KIF24: variants seen among roughly 807,000 people sequenced by gnomAD.
KIF24 encodes the protein kinesin-like protein KIF24.
A neutral mutation model predicts 118.9 loss-of-function variants in KIF24; 81 were observed. The ratio of observed to expected loss-of-function variants is 0.68; its 90% CI spans 0.57 to 0.82. The LOEUF is 0.82. Ranked by LOEUF, KIF24 falls within the 40% of genes least tolerant of loss-of-function variation. KIF24 has a pLI of 0.00. For missense variants in KIF24, 1,560 were observed against 1,661.6 expected, an observed-to-expected ratio of 0.94 and a Z score of 1.06; for synonymous variants, 599 against 610.0, an observed-to-expected ratio of 0.98 and a Z score of 0.27.
chr9:34,281,828 T>C (rs962292917), intron 6 of KIF24, among the ~76,000 whole-genome samples: 2 of 152,196 alleles, frequency 1.3e-5, no homozygotes. Flanking sequence ...CCTATCCTTC[T>C]AGTCCTCTCC....
intron 9 of KIF24, among the ~76,000 whole-genome samples, chr9:34,262,675 AAT>A (rs1428160924): frequency 1.6e-3 from 43 of 27,060 alleles, no homozygotes; most frequent in African/African-American, 6.5e-3. Flanking sequence ...AAAAAAAAAA[AAT>A]ATATATATAT....
rs569116406 is a variant in KIF24 at position 34,295,194 on chromosome 9, T to C, written c.911+1823A>G. Among the ~76,000 whole-genome samples the C allele has an allele frequency of 1.3e-4, 20 of 149,688 alleles. No homozygotes were observed. The East Asian group carries it at 2.6e-3, about 20-fold the overall frequency. On this transcript the variant is annotated intron_variant, in intron 4 of 12. Coordinates refer to ENST00000402558, the MANE Select transcript of KIF24 (RefSeq NM_194313.4). Reference sequence around the variant, plus strand: ...TAGGTAGGTGGATTGGATGGATGGATAGACAGACAGACAGACAGACAGACA... The same window carrying C: ...TAGGTAGGTGGATTGGATGGATGGACAGACAGACAGACAGACAGACAGACA...
intron 3 of KIF24, among the ~76,000 whole-genome samples, chr9:34,304,511 T>C (rs1398837881): frequency 2.6e-5 from 4 of 152,150 alleles, no homozygotes; most frequent in Non-Finnish European, 5.9e-5. Context: ...AAGTCTTAGG[T>C]AGACAGTGAT....
chr9:34,320,297 T>C (rs1392347797), intron 1 of KIF24, among the ~76,000 whole-genome samples: 1 of 150,146 alleles, frequency 6.7e-6, no homozygotes, highest in Non-Finnish European at 1.5e-5. Context: ...CAAGAACTTA[T>C]TTATACAGTT....
rs1837413918 is a variant in KIF24, at chr9:34,318,724, G to A, written c.-25-7353C>T. On this transcript the variant is annotated intron_variant, in intron 1 of 12. Transcript: ENST00000402558. This position sits in a 1 kb window ranked among gnomAD's most constrained non-coding sequence, Gnocchi z 4.9. ...CCAAGCAGCTGAGCGACGAGGAGGT[G>A]CACGCCGGCGTGGGCGAGCCGCTGC... 3 of 1,505,944 alleles carry A rather than the reference G, an allele frequency of 2.0e-6. No homozygotes were observed. The highest frequency in any genetic ancestry group is 2.7e-6 in the Non-Finnish European group (3 of 1,104,112). The allele number at this position is 1,505,944 out of a possible 1,614,324, so 93.3% of individuals were successfully genotyped here.
chr9:34,285,426 G>A (rs998210425), intron 6 of KIF24, among the ~76,000 whole-genome samples: 2 of 151,802 alleles, frequency 1.3e-5, no homozygotes, highest in Non-Finnish European at 2.9e-5. Flanking sequence ...TCAGGAGTTC[G>A]AGACCACCCT....
At chr9:34,266,502 C>T (rs1835294130) in intron 8 of KIF24, among the ~76,000 whole-genome samples, 1 of 151,772 alleles carries the variant, frequency 6.6e-6, no homozygotes, top group African/African-American at 2.4e-5. Flanking sequence ...CATGGTGAAA[C>T]CGGGTCTCTA....
At chr9:34,319,835 G>T (rs1410820096) in intron 1 of KIF24, among the ~76,000 whole-genome samples, 1 of 152,122 alleles carries the variant, frequency 6.6e-6, no homozygotes, top group Non-Finnish European at 1.5e-5. Context: ...TACTCCACTT[G>T]GACGTGGGCC....
intron 2 of KIF24, among the ~76,000 whole-genome samples, chr9:34,309,653 A>T (rs1264128905): frequency 6.6e-6 from 1 of 152,176 alleles, no homozygotes. Flanking sequence ...CTCAGAATTA[A>T]AAGAAGAAAA....
At chr9:34,323,392 A>T (rs1837580831) in intron 1 of KIF24, among the ~76,000 whole-genome samples, 1 of 152,266 alleles carries the variant, frequency 6.6e-6, no homozygotes, top group South Asian at 2.1e-4. Context: ...TCACCTAAAA[A>T]TAAACATAAC....
chr9:34,263,426 C>T lies in KIF24; in HGVS notation c.1444-254G>A, dbSNP rs530466491. Among the ~76,000 whole-genome samples, 24 of 152,288 alleles carry T rather than the reference C, an allele frequency of 1.6e-4. 1 individual carries two copies. The highest frequency in any genetic ancestry group is 4.3e-4 in the African/African-American group (18 of 41,562). ...GATCCTAGGACTGCCCCTGAGTTGACGGCGGGGAACAGACAGACGCTGGGA... is the reference window on the plus strand; with the variant it reads ...GATCCTAGGACTGCCCCTGAGTTGATGGCGGGGAACAGACAGACGCTGGGA... On this transcript the variant is annotated intron_variant, in intron 8 of 12. Transcript: ENST00000402558.
intron 6 of KIF24, among the ~76,000 whole-genome samples, chr9:34,276,402 C>CAAAA (rs11419785): frequency 2.5e-5 from 2 of 80,698 alleles, no homozygotes; most frequent in African/African-American, 4.5e-5. Flanking sequence ...AACTGCATCT[C>CAAAA]AAAAAAAAAA....
Position 34,254,215 on chromosome 9 carries a change from C to G in KIF24, c.*165G>C. 1.6e-6 allele frequency: 1 copy of G among 636,362 alleles called. No homozygotes were observed. The highest frequency in any genetic ancestry group is 2.5e-6 in the Non-Finnish European group (1 of 397,506). 39.4% of individuals were successfully genotyped at this position (636,362 alleles called of 1,614,324 possible). On this transcript the variant is annotated 3_prime_UTR_variant, in exon 13 of 13. Transcript: ENST00000402558. ...CAGGGGCCTGTCCCTGAGGGAGAAG[C>G]TGGGACCTATCTGAAGCCACGTGGG...
chr9:34,263,395 G>A (rs1835167329), intron 8 of KIF24, among the ~76,000 whole-genome samples: 1 of 152,142 alleles, frequency 6.6e-6, no homozygotes, highest in Non-Finnish European at 1.5e-5. Context: ...CCAGCTTAGA[G>A]GCTGGGATCC....
chr9:34,272,927 A>C (rs1835558086), intron 6 of KIF24, among the ~76,000 whole-genome samples: 1 of 152,040 alleles, frequency 6.6e-6, no homozygotes, highest in Non-Finnish European at 1.5e-5. Context: ...CCCAGCCACA[A>C]AGAACTTTAA....
Position 34,257,683 on chromosome 9 carries a change from C to A in KIF24, c.1924G>T (p.Val642Phe). The A allele has an allele frequency of 6.2e-7, 1 of 1,614,038 alleles. No individual in the cohort carries two copies. The stretch of plus-strand genomic sequence containing the variant: ...CCTTTCACAGGGCTAGCATGAATGA[C>A]CCACTCTTGTGAAGGACTCCCTCTG... ...GSRGSPSQEWVIHASPVKGTV... is the reference protein window; with the variant it reads ...GSRGSPSQEWFIHASPVKGTV... Residue 642 changes from valine (V) to phenylalanine (F), a missense_variant, in exon 11 of 13, where the codon GTC (valine) becomes TTC (phenylalanine). Val to Phe is a conservative substitution (Grantham distance 50). Around this residue, in one of 3 missense-constraint regions of KIF24, gnomAD observed 964 missense variants for 988.0 expected, o/e 0.98. Coordinates refer to ENST00000402558, the MANE Select transcript of KIF24 (RefSeq NM_194313.4).
At position 34,255,988 on chromosome 9, in the gene KIF24, T is replaced by G; in HGVS notation, c.3619A>C (p.Thr1207Pro). 6.2e-7 allele frequency: 1 copy of G among 1,613,836 alleles called. No homozygotes were observed. Among genetic ancestry groups the G allele is most frequent in the South Asian group, 1.1e-5 (1 of 91,072 alleles). The change falls in exon 11 of 13, where the codon ACC becomes CCC. Residue 1207 changes from threonine to proline, a missense_variant. Physicochemically the swap from Thr to Pro is conservative, Grantham distance 38. Around this residue, in one of 3 missense-constraint regions of KIF24, gnomAD observed 591 missense variants for 655.6 expected, o/e 0.90. Transcript: ENST00000402558. ...MGVPHSGPTL[T>P]PRTGSSDVAD... is the part of the protein sequence containing the mutation. ...ACATCACTACTTCCTGTTCGTGGGG[T>G]GAGTGTAGGTCCAGAATGGGGTACC...
Position 34,329,093 on chromosome 9 carries a change from C to T in KIF24, c.-26+13G>A, listed in dbSNP as rs755853750. Among the ~76,000 whole-genome samples, 6 of 152,238 alleles carry T rather than the reference C, an allele frequency of 3.9e-5. No homozygotes were observed. Among genetic ancestry groups the T allele is most frequent in the South Asian group, 2.1e-4 (1 of 4,836 alleles). The stretch of plus-strand genomic sequence containing the variant: ...AGACCTACCCCTCCTCTATTCTCCC[C>T]GCCCTTTCTCACCTCGGTCCAAACT... On this transcript the variant is annotated intron_variant, in intron 1 of 12. Coordinates refer to ENST00000402558, the MANE Select transcript of KIF24 (RefSeq NM_194313.4).
At position 34,319,178 on chromosome 9, in the gene KIF24, C is replaced by G. The variant is rs1367252835; in HGVS notation, c.-25-7807G>C. The G allele has an allele frequency of 3.1e-5, 50 of 1,603,420 alleles. No homozygotes were observed. The East Asian group carries it at 6.7e-4, about 21-fold the overall frequency. On this transcript the variant is annotated intron_variant, in intron 1 of 12. Transcript: ENST00000402558. ...GGAAAAGCTGCAAATCGTGGAGATG[C>G]CCCTGGCCCACAAGCTCTCCAGCCT...
Sources: allele counts gnomAD v4.1 joint callset (sites outside exome capture counted in the v4.1 genomes callset), GRCh38; gene constraint gnomAD v4.1.1; regional missense constraint gnomAD v4.1.1; non-coding constraint Gnocchi (gnomAD v3.1); transcripts MANE v1.5; gene names NCBI Gene and HGNC (gene_info 2026-07-23, HGNC 2026-07-21).